Variants in RPRD2 observed in about 807,000 individuals in gnomAD.
RPRD2 encodes the protein regulation of nuclear pre-mRNA domain-containing protein 2.
RPRD2 carries 12 observed loss-of-function variants against 104.4 expected under a neutral mutation model. The ratio of observed to expected loss-of-function variants is 0.11; its 90% CI spans 0.07 to 0.19. The LOEUF (loss-of-function observed/expected upper bound fraction) is 0.19, where lower values mean the gene tolerates loss of function less well. Among genes scored for constraint, RPRD2 ranks in the 10% least tolerant of loss-of-function variants. The pLI, the probability that RPRD2 is intolerant of heterozygous loss-of-function variation, is 1.00. For synonymous variants in RPRD2, 714 were observed against 684.9 expected, an observed-to-expected ratio of 1.04 and a Z score of -0.66; for missense variants, 1,543 against 1,790.1, an observed-to-expected ratio of 0.86 and a Z score of 2.49.
At chr1:150,372,579 A>T (rs1024546795) in intron 1 of RPRD2, among the ~76,000 whole-genome samples, 1 of 152,162 alleles carries the variant, frequency 6.6e-6, no homozygotes, top group Non-Finnish European at 1.5e-5. Context: ...GTAAAATATT[A>T]AACATAATAG....
At chr1:150,418,658 A>G (rs188619168) in intron 2 of RPRD2, among the ~76,000 whole-genome samples, 2 of 152,302 alleles carry the variant, frequency 1.3e-5, no homozygotes, top group Admixed American at 6.5e-5. Flanking sequence ...TGAAGATTCA[A>G]AGTTCACATT....
intron 1 of RPRD2, among the ~76,000 whole-genome samples, chr1:150,395,512 T>C (rs1446062975): frequency 3.6e-4 from 44 of 123,378 alleles, no homozygotes; most frequent in Admixed American, 3.5e-3. Flanking sequence ...TATGCAAATA[T>C]CTTTTTTTTT....
chr1:150,364,704 A>G lies in RPRD2; in HGVS notation c.-11A>G. The G allele has an allele frequency of 6.5e-7, 1 of 1,544,730 alleles. No individual in the cohort carries two copies. The highest frequency in any genetic ancestry group is 8.8e-7 in the Non-Finnish European group (1 of 1,139,522). ...GCCAGAGGAGCAGCAGCGCTTGTGC[A>G]AACCGGGAAGATGGCGGCCGGCGGC... On this transcript the variant is annotated 5_prime_UTR_variant, in exon 1 of 11. Transcript: ENST00000369068.
At chr1:150,428,402 G>A (rs587707073) in intron 2 of RPRD2, among the ~76,000 whole-genome samples, 21 of 145,314 alleles carry the variant, frequency 1.4e-4, no homozygotes, top group African/African-American at 4.8e-4. Context: ...GCAGTGAGCC[G>A]AGATTGCACG....
At chr1:150,470,263 C>G (rs1030817338) in intron 10 of RPRD2, among the ~76,000 whole-genome samples, 5 of 152,062 alleles carry the variant, frequency 3.3e-5, no homozygotes, top group African/African-American at 1.2e-4. Flanking sequence ...CTAACTTAAA[C>G]TATGAATGAT....
chr1:150,456,386 C>A (rs1344718962), intron 7 of RPRD2, among the ~76,000 whole-genome samples: 1 of 152,110 alleles, frequency 6.6e-6, no homozygotes, highest in Non-Finnish European at 1.5e-5. Flanking sequence ...AAAGCAGAAA[C>A]TAGAAACTAC....
intron 9 of RPRD2, among the ~76,000 whole-genome samples, chr1:150,464,020 A>G (rs57272513): frequency 0.048 from 7,280 of 152,220 alleles, 439 homozygotes; most frequent in African/African-American, 0.13. Flanking sequence ...TCTCAAAACT[A>G]TGAAAATCAC....
At chr1:150,443,159 G>A in intron 4 of RPRD2, 72 bp from the exon 5 acceptor site, 2 of 1,031,590 alleles carry the variant, frequency 1.9e-6, no homozygotes, top group African/African-American at 3.2e-5. Flanking sequence ...TTTAACTATA[G>A]AGCTAAAATT....
chr1:150,460,141 A>C lies in RPRD2; in HGVS notation c.1235A>C (p.Lys412Thr). Residue 412 changes from lysine (K) to threonine (T), a missense_variant, in exon 9 of 11, where the codon AAG (lysine) becomes ACG (threonine). Lys to Thr is a moderately conservative substitution (Grantham distance 78). This residue lies in a region of RPRD2 where 572 missense variants were observed against 787.3 expected (regional missense o/e 0.73). Transcript: ENST00000369068. ...ACAAAGCCAACAGAAAATATCTCAA[A>C]GGCCTCTTCATGTACCCCAGTGCCT... ...VPTKPTENIS[K>T]ASSCTPVPVT... 6.2e-7 allele frequency: 1 copy of C among 1,613,978 alleles called. No individual in the cohort carries two copies. The highest frequency in any genetic ancestry group is 8.5e-7 in the Non-Finnish European group (1 of 1,179,876).
intron 7 of RPRD2, 118 bp from the exon 8 acceptor site, chr1:150,457,168 GAA>G: frequency 1.1e-6 from 1 of 914,886 alleles, no homozygotes; most frequent in Non-Finnish European, 1.6e-6. Context: ...AGGTTGCAGT[GAA>G]CCAAGATTGT....
At chr1:150,376,327 G>C (rs1660688700) in intron 1 of RPRD2, among the ~76,000 whole-genome samples, 1 of 152,128 alleles carries the variant, frequency 6.6e-6, no homozygotes, top group Non-Finnish European at 1.5e-5. Flanking sequence ...CAGAGAGAGA[G>C]AGTGATTCTT....
chr1:150,373,677 T>G (rs1553878938), intron 1 of RPRD2, among the ~76,000 whole-genome samples: 1 of 105,996 alleles, frequency 9.4e-6, no homozygotes, highest in African/African-American at 3.3e-5. Flanking sequence ...GGGATGTCTA[T>G]TTTAAGAAAT....
intron 1 of RPRD2, among the ~76,000 whole-genome samples, chr1:150,374,740 TTATTCTC>T (rs1270298932): frequency 2.0e-5 from 3 of 152,314 alleles, no homozygotes; most frequent in East Asian, 1.9e-4. Context: ...TTAAGTTTGT[TTATTCTC>T]TATTCTCAGA....
At chr1:150,383,574 C>T (rs1423175966) in intron 1 of RPRD2, among the ~76,000 whole-genome samples, 2 of 152,032 alleles carry the variant, frequency 1.3e-5, no homozygotes, top group Non-Finnish European at 2.9e-5. Context: ...GCCTCGGCCT[C>T]CCAACTTGCT....
intron 9 of RPRD2, among the ~76,000 whole-genome samples, chr1:150,461,347 T>C (rs12131083): frequency 1.3e-5 from 2 of 152,196 alleles, no homozygotes; most frequent in East Asian, 3.9e-4. Context: ...TTTTGGAGAA[T>C]TAAATATGTA....
At chr1:150,400,896 G>A (rs1662936477) in intron 1 of RPRD2, among the ~76,000 whole-genome samples, 1 of 151,766 alleles carries the variant, frequency 6.6e-6, no homozygotes, top group South Asian at 2.1e-4. Flanking sequence ...AAAAAAAAGA[G>A]GGCTGGGCGC....
intron 7 of RPRD2, among the ~76,000 whole-genome samples, chr1:150,447,951 C>T (rs1553895848): frequency 6.6e-6 from 1 of 152,130 alleles, no homozygotes; most frequent in Non-Finnish European, 1.5e-5. Context: ...GTGGATTTAG[C>T]TTATACTCAC....
chr1:150,460,402 T>C, intron 9 of RPRD2, 85 bp downstream of exon 9: 2 of 1,236,870 alleles, frequency 1.6e-6, no homozygotes, highest in Non-Finnish European at 2.2e-6. Context: ...GGGGTTGTTG[T>C]TGTTGTTGTT....
rs1660064938 is a variant in RPRD2 at position 150,369,032 on chromosome 1, T to TACAAATAAG, written c.205+4113_205+4114insACAAATAAG. ...TCCACCAGATGACAAGTTTGTCTTA[T>TACAAATAAG]TTGTTGCCCTGTCCCCAAACAACTA... On this transcript the variant is annotated intron_variant, in intron 1 of 10. Transcript: ENST00000369068. Among the ~76,000 whole-genome samples, 3 of 152,354 alleles carry TACAAATAAG rather than the reference T, an allele frequency of 2.0e-5. No homozygotes were observed. The South Asian group carries it at 6.2e-4, about 32-fold the overall frequency.
Sources: gnomAD v4.1 joint callset for allele counts (sites outside exome capture counted in the v4.1 genomes callset) on GRCh38, gnomAD v4.1.1 for gene constraint, gnomAD v4.1.1 regional missense constraint, MANE v1.5 for transcripts, NCBI Gene and HGNC (gene_info 2026-07-23, HGNC 2026-07-21) for gene names.